The following PYCR2 variants were observed in gnomAD, a reference collection of about 807,000 sequenced individuals.
The protein encoded by PYCR2 is pyrroline-5-carboxylate reductase 2.
In PYCR2, 17 loss-of-function variants were observed where a neutral mutation model predicts 23.4. The ratio of observed to expected loss-of-function variants is 0.73; its 90% CI spans 0.50 to 1.09. The LOEUF (loss-of-function observed/expected upper bound fraction) is 1.09. Ranked by LOEUF, PYCR2 falls within the 50% of genes least tolerant of loss-of-function variation. The pLI is 0.00. For missense variants in PYCR2, 380 were observed against 423.5 expected (o/e 0.90, Z 0.90); for synonymous variants, 172 against 176.6 (o/e 0.97, Z 0.21).
chr1:225,923,711 G>A lies in PYCR2; in HGVS notation c.128C>T (p.Ser43Phe). Residue 43 changes from serine (S) to phenylalanine (F), a missense_variant, in exon 2 of 7, where the codon TCC becomes TTC. By Grantham distance (155) the Ser-to-Phe change is radical. Coordinates refer to ENST00000343818, the MANE Select transcript of PYCR2 (RefSeq NM_013328.4). ...SSPEMNLPTV[S>F]ALRKMGVNLT... is the part of the protein sequence containing the mutation. Reference sequence around the variant, plus strand: ...CCCGGCTCCACCTACCCTGAGCGCGGACACCGTGGGCAGGTTCATTTCTGG... The same window carrying A: ...CCCGGCTCCACCTACCCTGAGCGCGAACACCGTGGGCAGGTTCATTTCTGG... 1 of 1,614,146 alleles carries A rather than the reference G, an allele frequency of 6.2e-7. No homozygotes were observed. Among genetic ancestry groups the A allele is most frequent in the Non-Finnish European group, 8.5e-7 (1 of 1,180,024 alleles).
intron 6 of PYCR2, 118 bp from the exon 7 acceptor site, chr1:225,920,738 A>C: frequency 8.3e-7 from 1 of 1,200,062 alleles, no homozygotes; most frequent in Non-Finnish European, 1.2e-6. Flanking sequence ...CAAAAATTAG[A>C]GCCCCAAGAC....
Position 225,920,277 on chromosome 1 carries a change from A to G in PYCR2, c.*178T>C. ...ACATGGGACAGGAGAGGAAGCTCGC[A>G]TTGCTTGGTCTGAACAGATTTAAGG... On this transcript the variant is annotated 3_prime_UTR_variant, in exon 7 of 7. Coordinates refer to ENST00000343818, the MANE Select transcript of PYCR2 (RefSeq NM_013328.4). 4 of 504,140 alleles carry G rather than the reference A, an allele frequency of 7.9e-6. 1 individual carries two copies. Among genetic ancestry groups the G allele is most frequent in the Middle Eastern group, 1.1e-3 (2 of 1,812 alleles). 31.2% of individuals were successfully genotyped at this position (504,140 alleles called of 1,614,324 possible). A position where few individuals can be genotyped will look rare whatever the true frequency, so the allele number is the denominator to read the frequency against.
At position 225,921,452 on chromosome 1, in the gene PYCR2, G is replaced by A. The variant is rs979776119; in HGVS notation, c.634-81C>T. On this transcript the variant is annotated intron_variant, in intron 5 of 6. Transcript: ENST00000343818. This position sits in a 1 kb window ranked among gnomAD's most constrained non-coding sequence, Gnocchi z 4.2. ...CCATACCCACTGCTCCTGCCCAACT[G>A]CTACCCCAGCTTCCCAACCAACTCC... is the stretch of plus-strand genomic sequence containing the variant. 4.5e-6 allele frequency: 7 copies of A among 1,539,896 alleles called. No individual in the cohort carries two copies. The highest frequency in any genetic ancestry group is 6.3e-6 in the Non-Finnish European group (7 of 1,119,332).
Position 225,921,989 on chromosome 1 carries a change from T to C in PYCR2, c.409A>G (p.Thr137Ala). 1 of 1,614,186 alleles carries C rather than the reference T, an allele frequency of 6.2e-7. No homozygotes were observed. The highest frequency in any genetic ancestry group is 8.5e-7 in the Non-Finnish European group (1 of 1,180,024). Residue 137 changes from threonine (T) to alanine (A), a missense_variant, in exon 4 of 7, where the codon ACG becomes GCG. Physicochemically the swap from Thr to Ala is moderately conservative, Grantham distance 58. Transcript: ENST00000343818. The surrounding 1 kb of genome is among the most constrained non-coding windows in gnomAD (Gnocchi z 4.2). ...VVQEGATVYATGTHALVEDGQ... is the reference protein window; with the variant it reads ...VVQEGATVYAAGTHALVEDGQ... ...TCCTCCACCAGGGCATGGGTGCCCG[T>C]GGCGTACACTGTAGCGCCTTCCTGC...
intron 6 of PYCR2, among the ~76,000 whole-genome samples, chr1:225,920,901 A>G (rs1028367698): frequency 6.6e-6 from 1 of 152,234 alleles, no homozygotes; most frequent in Non-Finnish European, 1.5e-5. Flanking sequence ...CATAGATTCA[A>G]ATTAGAATCC....
chr1:225,921,590 G>T lies in PYCR2; in HGVS notation c.595C>A (p.Arg199=), dbSNP rs758595075. 4.9e-5 allele frequency: 79 copies of T among 1,614,074 alleles called. No homozygotes were observed. Among genetic ancestry groups the T allele is most frequent in the Non-Finnish European group, 6.4e-5 (76 of 1,180,032 alleles). The change falls in exon 5 of 7, where the codon CGG becomes AGG. Residue 199 remains arginine (R), a synonymous_variant. Coordinates refer to ENST00000343818, the MANE Select transcript of PYCR2 (RefSeq NM_013328.4). The surrounding 1 kb of genome is among the most constrained non-coding windows in gnomAD (Gnocchi z 4.2). ...GCCCCGAGTTGGATTGCCAGGCGCC[G>T]TGGCAAACCCATCTTCACCCCACCA... ...ADGGVKMGLP[R]RLAIQLGAQA...
rs1671919548 is a variant in PYCR2 at position 225,923,943 on chromosome 1, C to A, written c.67+101G>T. 24 of 1,489,456 alleles carry A rather than the reference C, an allele frequency of 1.6e-5. 1 individual carries two copies. The East Asian group carries it at 5.7e-4, about 35-fold the overall frequency. 92.3% of individuals were successfully genotyped at this position (1,489,456 alleles called of 1,614,324 possible). On this transcript the variant is annotated intron_variant, in intron 1 of 6. Coordinates refer to ENST00000343818, the MANE Select transcript of PYCR2 (RefSeq NM_013328.4). Reference sequence around the variant, plus strand: ...TCAACCAGAGTCTCATCTACCCCACCGGACGCAAACTCCCCTTTCATTCGC... The same window carrying A: ...TCAACCAGAGTCTCATCTACCCCACAGGACGCAAACTCCCCTTTCATTCGC...
In PYCR2 at chr1:225,922,245, C is replaced by T. The variant is rs1172926414; in HGVS notation, c.277G>A (p.Val93Ile). Residue 93 changes from valine (V) to isoleucine (I), a missense_variant, in exon 3 of 7, where the codon GTC becomes ATC. By Grantham distance (29) the Val-to-Ile change is conservative. Coordinates refer to ENST00000343818, the MANE Select transcript of PYCR2 (RefSeq NM_013328.4). ...GADVQARHIVVSCAAGVTISS... is the reference protein window; with the variant it reads ...GADVQARHIVISCAAGVTISS... Reference sequence around the variant, plus strand: ...ATGGTGACACCAGCCGCACAGGAGACCACGATGTGTCTGGCTTGCACGTCG... The same window carrying T: ...ATGGTGACACCAGCCGCACAGGAGATCACGATGTGTCTGGCTTGCACGTCG... 6.2e-7 allele frequency: 1 copy of T among 1,614,078 alleles called. No homozygotes were observed. The highest frequency in any genetic ancestry group is 8.5e-7 in the Non-Finnish European group (1 of 1,180,032).
rs943417617 is a variant in PYCR2, at chr1:225,922,294, G to C, written c.228C>G (p.Pro76=). 1 of 1,614,098 alleles carries C rather than the reference G, an allele frequency of 6.2e-7. No individual in the cohort carries two copies. The highest frequency in any genetic ancestry group is 1.7e-5 in the Admixed American group (1 of 60,006). Reference sequence around the variant, plus strand: ...CGGCCCCAATCTCATCCAGGATGAAGGGGATGATATGTGGCTTCACAGCCA... The same window carrying C: ...CGGCCCCAATCTCATCCAGGATGAACGGGATGATATGTGGCTTCACAGCCA... The part of the protein sequence containing the change: ...LFLAVKPHII[P]FILDEIGADV... The change falls in exon 3 of 7, where the codon CCC becomes CCG. Residue 76 remains proline (P), a synonymous_variant. Transcript: ENST00000343818.
chr1:225,924,222 A>G lies in PYCR2; in HGVS notation c.-112T>C, dbSNP rs1039067299. On this transcript the variant is annotated 5_prime_UTR_variant, in exon 1 of 7. Coordinates refer to ENST00000343818, the MANE Select transcript of PYCR2 (RefSeq NM_013328.4). ...GGGGCGAACGGGCGGCGTGCCGAGG[A>G]CCGGCGAGCTAACAGCAGCTTCTGG... The G allele has an allele frequency of 2.4e-5, 29 of 1,231,884 alleles. No individual in the cohort carries two copies. Among genetic ancestry groups the G allele is most frequent in the Non-Finnish European group, 3.2e-5 (29 of 907,490 alleles). The allele number at this position is 1,231,884 out of a possible 1,614,324, so 76.3% of individuals were successfully genotyped here.
rs1671823824 is a variant in PYCR2, at chr1:225,921,136, T to C, written c.797+72A>G. On this transcript the variant is annotated intron_variant, in intron 6 of 6. Coordinates refer to ENST00000343818, the MANE Select transcript of PYCR2 (RefSeq NM_013328.4). This position sits in a 1 kb window ranked among gnomAD's most constrained non-coding sequence, Gnocchi z 4.2. ...GACCCAAGACAGCAGGTTCCGCAAA[T>C]GGTGCTCAACCCAGCCCAGGGACCA... 2.1e-6 allele frequency: 3 copies of C among 1,443,938 alleles called. No homozygotes were observed. The highest frequency in any genetic ancestry group is 2.1e-5 in the Admixed American group (1 of 46,804). The allele number at this position is 1,443,938 out of a possible 1,614,324, so 89.4% of individuals were successfully genotyped here.
intron 1 of PYCR2, 44 bp downstream of exon 1, chr1:225,924,000 C>G: frequency 6.5e-7 from 1 of 1,532,162 alleles, no homozygotes; most frequent in South Asian, 1.2e-5. Flanking sequence ...CCCCTCGGGC[C>G]TCGGGACCGC....
chr1:225,923,142 G>T, intron 2 of PYCR2: 3 of 618,648 alleles, frequency 4.8e-6, no homozygotes, highest in Non-Finnish European at 6.1e-6. Context: ...GAGCGCAGTG[G>T]CTCACCCCTG....
chr1:225,924,142 C>A lies in PYCR2; in HGVS notation c.-32G>T. The stretch of plus-strand genomic sequence containing the variant: ...CGGTTCACGCCTCCTGGGAGCCGCA[C>A]GAACCCCCTCAGCGAGGGACCGGAA... On this transcript the variant is annotated 5_prime_UTR_variant, in exon 1 of 7. Coordinates refer to ENST00000343818, the MANE Select transcript of PYCR2 (RefSeq NM_013328.4). 6.5e-7 allele frequency: 1 copy of A among 1,529,876 alleles called. No individual in the cohort carries two copies. Among genetic ancestry groups the A allele is most frequent in the Non-Finnish European group, 8.8e-7 (1 of 1,140,596 alleles). 94.8% of individuals were successfully genotyped at this position (1,529,876 alleles called of 1,614,324 possible). A position where few individuals can be genotyped will look rare whatever the true frequency, so the allele number is the denominator to read the frequency against.
chr1:225,920,698 C>A, intron 6 of PYCR2, 78 bp from the exon 7 acceptor site: 1 of 1,512,850 alleles, frequency 6.6e-7, no homozygotes. Flanking sequence ...ACTATCCACA[C>A]AACCCTCAAG....
chr1:225,921,903 G>A lies in PYCR2; in HGVS notation c.495C>T (p.Asp165=), dbSNP rs747778594. ...TGAGCCCCGTGACGGCATCGATGAG[G>A]TCCTCTTCCACCTCAGTGCAGAAGC... is the stretch of plus-strand genomic sequence containing the variant. ...SVGFCTEVEE[D]LIDAVTGLSG... Residue 165 remains aspartate, a synonymous_variant, in exon 4 of 7, where the codon GAC becomes GAT. Transcript: ENST00000343818. This position sits in a 1 kb window ranked among gnomAD's most constrained non-coding sequence, Gnocchi z 4.2. 6.2e-7 allele frequency: 1 copy of A among 1,613,632 alleles called. No individual in the cohort carries two copies. The highest frequency in any genetic ancestry group is 1.1e-5 in the South Asian group (1 of 91,052).
rs112885589 is a variant in PYCR2 at position 225,921,999 on chromosome 1, T to C, written c.399A>G (p.Thr133=). The part of the protein sequence containing the change: ...NTPVVVQEGA[T]VYATGTHALV... ...GGGCATGGGTGCCCGTGGCGTACACTGTAGCGCCTTCCTGCACTACCACAG... is the reference window on the plus strand; with the variant it reads ...GGGCATGGGTGCCCGTGGCGTACACCGTAGCGCCTTCCTGCACTACCACAG... Residue 133 remains threonine (T), a synonymous_variant, in exon 4 of 7, where the codon ACA becomes ACG. Transcript: ENST00000343818. The surrounding 1 kb of genome is among the most constrained non-coding windows in gnomAD (Gnocchi z 4.2). 4.5e-4 allele frequency: 727 copies of C among 1,614,188 alleles called. 4 individuals carry two copies. The African/African-American group carries it at 8.3e-3, about 19-fold the overall frequency.
At position 225,921,700 on chromosome 1, in the gene PYCR2, G is replaced by A; in HGVS notation, c.541-56C>T. On this transcript the variant is annotated intron_variant, in intron 4 of 6. Transcript: ENST00000343818. The surrounding 1 kb of genome is among the most constrained non-coding windows in gnomAD (Gnocchi z 4.2). ...TAGGCACTGAAGGGCCTTTCCTTAGGTCTGCTTTCTGATGACTAGAACTAG... is the reference window on the plus strand; with the variant it reads ...TAGGCACTGAAGGGCCTTTCCTTAGATCTGCTTTCTGATGACTAGAACTAG... 1.2e-6 allele frequency: 2 copies of A among 1,602,364 alleles called. No homozygotes were observed. Among genetic ancestry groups the A allele is most frequent in the East Asian group, 2.2e-5 (1 of 44,806 alleles).
chr1:225,920,381 G>C lies in PYCR2; in HGVS notation c.*74C>G. ...GCTGAGGAGGGGCAATGGTGGGAGC[G>C]GGGCAGGGGGGTGGCAGGGGCGGCA... On this transcript the variant is annotated 3_prime_UTR_variant, in exon 7 of 7. Transcript: ENST00000343818. 1.5e-6 allele frequency: 2 copies of C among 1,339,336 alleles called. No homozygotes were observed. The highest frequency in any genetic ancestry group is 2.0e-6 in the Non-Finnish European group (2 of 996,944). 83.0% of individuals were successfully genotyped at this position (1,339,336 alleles called of 1,614,324 possible).
Sources: gnomAD v4.1 joint callset for allele counts (sites outside exome capture counted in the v4.1 genomes callset) on GRCh38, gnomAD v4.1.1 for gene constraint, Gnocchi (gnomAD v3.1) non-coding constraint, MANE v1.5 for transcripts, NCBI Gene and HGNC (gene_info 2026-07-23, HGNC 2026-07-21) for gene names.